Variants in MRTFB observed in about 807,000 individuals in gnomAD.
MRTFB encodes myocardin related transcription factor B, also known as myocardin-related transcription factor B.
Under a neutral mutation model 104.2 loss-of-function variants are expected in MRTFB, and 29 were observed. That is an observed-to-expected ratio of 0.28 (90% CI 0.21 to 0.38). MRTFB has a LOEUF of 0.38. MRTFB is among the 10% of genes least tolerant of loss of function. MRTFB has a pLI of 1.00. For synonymous variants in MRTFB, 535 were observed against 519.5 expected (o/e 1.03, Z -0.41); for missense variants, 1,270 against 1,341.6 (o/e 0.95, Z 0.83).
chr16:14,012,299 C>CTT, the MRTFB span, among the ~76,000 whole-genome samples: 52 of 104,568 alleles, frequency 5.0e-4, no homozygotes, highest in African/African-American at 7.1e-4. Flanking sequence ...TTCTTTCTTT[C>CTT]TTTTTTTTTT....
the MRTFB span, among the ~76,000 whole-genome samples, chr16:14,040,805 T>C: frequency 6.6e-6 from 1 of 152,162 alleles, no homozygotes; most frequent in East Asian, 1.9e-4. Context: ...TTTTTGCCAA[T>C]CTGATAGGTA....
At chr16:14,064,374 T>A in the MRTFB span, among the ~76,000 whole-genome samples, 1 of 152,256 alleles carries the variant, frequency 6.6e-6, no homozygotes, top group Non-Finnish European at 1.5e-5. Flanking sequence ...ATTAGATCTT[T>A]GTAAGATGCT....
At chr16:14,101,110 A>G (rs1280346844) in intron 2 of MRTFB, among the ~76,000 whole-genome samples, 4 of 146,980 alleles carry the variant, frequency 2.7e-5, no homozygotes, top group African/African-American at 5.0e-5. Flanking sequence ...CTCTGTGGGT[A>G]CACATAATTA....
At chr16:14,071,054 C>T (rs1252566831), upstream of MRTFB, among the ~76,000 whole-genome samples, 6 of 152,162 alleles carry the variant, frequency 3.9e-5, no homozygotes, top group Non-Finnish European at 7.4e-5. Flanking sequence ...CAGGGCCGAG[C>T]CCCGGACATG....
At chr16:14,122,189 A>G (rs1217093442) in intron 2 of MRTFB, among the ~76,000 whole-genome samples, 1 of 148,464 alleles carries the variant, frequency 6.7e-6, no homozygotes, top group Non-Finnish European at 1.5e-5. Context: ...AACTTTTTCT[A>G]TTTAATTATG....
At chr16:14,165,924 A>T (rs1402819533) in intron 3 of MRTFB, among the ~76,000 whole-genome samples, 1 of 152,204 alleles carries the variant, frequency 6.6e-6, no homozygotes, top group Non-Finnish European at 1.5e-5. Flanking sequence ...CCCTCTTTGG[A>T]TGTTTTACTT....
the MRTFB span, among the ~76,000 whole-genome samples, chr16:13,996,233 T>C: frequency 1.3e-5 from 2 of 151,714 alleles, 1 homozygote; most frequent in Middle Eastern, 6.8e-3. Context: ...GATCGTGCCG[T>C]TGCACTCCAG....
At chr16:14,219,936 A>G (rs1380194759) in intron 8 of MRTFB, among the ~76,000 whole-genome samples, 1 of 152,214 alleles carries the variant, frequency 6.6e-6, no homozygotes, top group Non-Finnish European at 1.5e-5. Flanking sequence ...AAAGGTGCTT[A>G]GTAAATGCTG....
intron 2 of MRTFB, among the ~76,000 whole-genome samples, chr16:14,126,256 A>C (rs1164855615): frequency 6.6e-6 from 1 of 152,150 alleles, no homozygotes; most frequent in African/African-American, 2.4e-5. Context: ...CCAGATACCT[A>C]GAAATCCAAA....
intron 2 of MRTFB, among the ~76,000 whole-genome samples, chr16:14,085,053 G>A (rs1441021778): frequency 6.6e-6 from 1 of 152,142 alleles, no homozygotes; most frequent in East Asian, 1.9e-4. Context: ...AGTGAGGTGA[G>A]ATGATTATTT....
At chr16:14,242,088 G>A (rs2042799425) in intron 10 of MRTFB, among the ~76,000 whole-genome samples, 1 of 151,960 alleles carries the variant, frequency 6.6e-6, no homozygotes. Flanking sequence ...CTCGCCTCAA[G>A]TCTAGGAGGA....
At chr16:14,090,909 TG>T (rs2035021494) in intron 2 of MRTFB, among the ~76,000 whole-genome samples, 1 of 150,262 alleles carries the variant, frequency 6.7e-6, no homozygotes, top group Non-Finnish European at 1.5e-5. Context: ...TGTGTGTGTG[TG>T]TGTGTGTGTG....
chr16:14,235,684 C>T (rs975612927), intron 9 of MRTFB, among the ~76,000 whole-genome samples: 3 of 152,150 alleles, frequency 2.0e-5, no homozygotes, highest in Non-Finnish European at 4.4e-5. Context: ...CCATCCTTCA[C>T]TTGTGGGGGC....
Position 14,261,359 on chromosome 16 carries a change from G to T in MRTFB, c.3215G>T (p.Gly1072Val). ...ATTACCATGCCCAACTCCTCTTCAG[G>T]ACTCACTCCTCTCAGCACCACCGCG... Reference protein sequence around the residue: ...LDITMPNSSSGLTPLSTTAPS... With the variant: ...LDITMPNSSSVLTPLSTTAPS... The change falls in exon 17 of 17, where the codon GGA (glycine) becomes GTA (valine). Residue 1072 changes from glycine (G) to valine (V), a missense_variant. Gly to Val is a moderately radical substitution (Grantham distance 109, BLOSUM62 -3). Coordinates refer to ENST00000571589, the MANE Select transcript of MRTFB (RefSeq NM_001308142.2). 3 of 1,614,034 alleles carry T rather than the reference G, an allele frequency of 1.9e-6. No homozygotes were observed. The highest frequency in any genetic ancestry group is 2.5e-6 in the Non-Finnish European group (3 of 1,180,026).
chr16:14,081,622 C>T (rs927561990), intron 2 of MRTFB, among the ~76,000 whole-genome samples: 2 of 150,634 alleles, frequency 1.3e-5, no homozygotes, highest in Non-Finnish European at 3.0e-5. Flanking sequence ...AAATGTCTAC[C>T]AGGCTAGAGT....
intron 13 of MRTFB, 73 bp from the exon 14 acceptor site, chr16:14,251,788 TA>T: frequency 6.4e-7 from 1 of 1,551,166 alleles, no homozygotes. Flanking sequence ...ACCCCTGTCC[TA>T]AAACATGGTT....
intron 12 of MRTFB, 70 bp from the exon 13 acceptor site, chr16:14,248,856 A>T: frequency 6.5e-7 from 1 of 1,539,722 alleles, no homozygotes; most frequent in Non-Finnish European, 8.8e-7. Flanking sequence ...CAGTGATTCT[A>T]CACCTAAGTT....
chr16:14,119,309 G>T (rs1220330420), intron 2 of MRTFB, among the ~76,000 whole-genome samples: 3 of 152,168 alleles, frequency 2.0e-5, no homozygotes, highest in Non-Finnish European at 4.4e-5. Context: ...TTGGCAGTTG[G>T]CTGCCTCTGA....
Position 14,261,520 on chromosome 16 carries a change from G to A in MRTFB, c.*76G>A, listed in dbSNP as rs750053126. On this transcript the variant is annotated 3_prime_UTR_variant, in exon 17 of 17. Coordinates refer to ENST00000571589, the MANE Select transcript of MRTFB (RefSeq NM_001308142.2). ...TCTAAAAGGTCAGTTTTTAGAGATA[G>A]ATCTATAGTTGCATTGTTGCAATCA... is the stretch of plus-strand genomic sequence containing the variant. The A allele has an allele frequency of 5.1e-5, 70 of 1,379,858 alleles. No individual in the cohort carries two copies. The highest frequency in any genetic ancestry group is 6.6e-5 in the Non-Finnish European group (67 of 1,013,582). 85.5% of individuals were successfully genotyped at this position (1,379,858 alleles called of 1,614,324 possible).
Sources: allele counts gnomAD v4.1 joint callset (sites outside exome capture counted in the v4.1 genomes callset), GRCh38; gene constraint gnomAD v4.1.1; transcripts MANE v1.5; gene names NCBI Gene and HGNC (gene_info 2026-07-23, HGNC 2026-07-21).